The following ARHGAP5 variants were observed in gnomAD, a reference collection of about 807,000 sequenced individuals.
ARHGAP5 encodes the protein rho GTPase-activating protein 5.
ARHGAP5 carries 23 observed loss-of-function variants against 116.6 expected under a neutral mutation model. The observed-to-expected ratio is 0.20, with a 90% CI of 0.14 to 0.28. The LOEUF (loss-of-function observed/expected upper bound fraction) is 0.28, where lower values mean the gene tolerates loss of function less well. Among genes scored for constraint, ARHGAP5 ranks in the 10% least tolerant of loss-of-function variants. The pLI is 1.00. For synonymous variants in ARHGAP5, 574 were observed against 602.0 expected (o/e 0.95, Z 0.68); for missense variants, 1,405 against 1,774.8 (o/e 0.79, Z 3.74).
At chr14:32,139,523 C>T (rs1488790111) in intron 3 of ARHGAP5, among the ~76,000 whole-genome samples, 1 of 151,866 alleles carries the variant, frequency 6.6e-6, no homozygotes, top group Non-Finnish European at 1.5e-5. Flanking sequence ...TCTTGTAACC[C>T]TTTTTATCTG....
At chr14:32,133,881 A>G (rs539610353) in intron 3 of ARHGAP5, among the ~76,000 whole-genome samples, 1 of 152,214 alleles carries the variant, frequency 6.6e-6, no homozygotes, top group Non-Finnish European at 1.5e-5. Context: ...ATGTTGGATT[A>G]CATTTATTGA....
At chr14:32,124,139 C>T (rs1880029392) in intron 3 of ARHGAP5, among the ~76,000 whole-genome samples, 1 of 152,136 alleles carries the variant, frequency 6.6e-6, no homozygotes, top group Non-Finnish European at 1.5e-5. Flanking sequence ...ATTCCACCTC[C>T]CATCACTAAC....
intron 3 of ARHGAP5, among the ~76,000 whole-genome samples, chr14:32,135,473 A>T (rs1880740299): frequency 6.6e-6 from 1 of 152,230 alleles, no homozygotes; most frequent in African/African-American, 2.4e-5. Flanking sequence ...CCCAGGCAAG[A>T]GCACAGTGGC....
In ARHGAP5 at chr14:32,094,183, C is replaced by G. The variant is rs1878408709; in HGVS notation, c.3514C>G (p.His1172Asp). Residue 1172 changes from histidine to aspartate, a missense_variant, in exon 2 of 7, where the codon CAT becomes GAT. His to Asp is a moderately conservative substitution (Grantham distance 81). Coordinates refer to ENST00000345122, the MANE Select transcript of ARHGAP5 (RefSeq NM_001030055.2). ...AGCCAAGTCATACTATAGAAGAACA[C>G]ATTCAGATGCCAGTGATGATGAGGC... ...SKAKSYYRRT[H>D]SDASDDEAFT... 3 of 1,612,462 alleles carry G rather than the reference C, an allele frequency of 1.9e-6. No homozygotes were observed. The South Asian group carries it at 3.3e-5, about 18-fold the overall frequency.
intron 3 of ARHGAP5, among the ~76,000 whole-genome samples, chr14:32,143,014 A>T (rs945700209): frequency 6.6e-6 from 1 of 152,156 alleles, no homozygotes; most frequent in African/African-American, 2.4e-5. Flanking sequence ...GACTTAAATA[A>T]TTATGTCACC....
At chr14:32,089,827 T>C (rs2041866779) in intron 1 of ARHGAP5, among the ~76,000 whole-genome samples, 1 of 151,950 alleles carries the variant, frequency 6.6e-6, no homozygotes, top group Admixed American at 6.6e-5. Flanking sequence ...AGGTTTGAAA[T>C]AAAATTTGGT....
intron 2 of ARHGAP5, among the ~76,000 whole-genome samples, chr14:32,094,951 T>C (rs781330003): frequency 6.6e-6 from 1 of 152,236 alleles, no homozygotes; most frequent in Non-Finnish European, 1.5e-5. Context: ...TTAATCCATC[T>C]AATGGTATTA....
At position 32,098,310 on chromosome 14, in the gene ARHGAP5, G is replaced by C. The variant is rs144425614; in HGVS notation, c.3717+3924G>C. The stretch of plus-strand genomic sequence containing the variant: ...ACAAACAGACCTCTGGTTTACTGCT[G>C]TCTCTCAAACATGTTAGCCACATGG... On this transcript the variant is annotated intron_variant, in intron 2 of 6. Coordinates refer to ENST00000345122, the MANE Select transcript of ARHGAP5 (RefSeq NM_001030055.2). Among the ~76,000 whole-genome samples the C allele has an allele frequency of 2.4e-3, 372 of 152,316 alleles. 3 individuals are homozygous for C. Among genetic ancestry groups the C allele is most frequent in the African/African-American group, 8.6e-3 (357 of 41,568 alleles).
chr14:32,077,536 TAACCAGTTGA>T (rs2041719733), intron 1 of ARHGAP5, 101 bp downstream of exon 1: 1 of 625,910 alleles, frequency 1.6e-6, no homozygotes, highest in African/African-American at 1.9e-5. Flanking sequence ...CTGCCGGTTG[TAACCAGTTGA>T]AGGGGCTGGG....
Position 32,157,284 on chromosome 14 carries a change from A to G in ARHGAP5, c.*2336A>G, listed in dbSNP as rs1447332830. The G allele has an allele frequency of 6.6e-6, 1 of 152,090 alleles. No individual in the cohort carries two copies. Among genetic ancestry groups the G allele is most frequent in the Admixed American group, 6.6e-5 (1 of 15,242 alleles). 9.4% of individuals were successfully genotyped at this position (152,090 alleles called of 1,614,324 possible). ...TTTAGATATGCTTTTAAATATTAGAAACATCTAAGAACAGAATAACATAAT... is the reference window on the plus strand; with the variant it reads ...TTTAGATATGCTTTTAAATATTAGAGACATCTAAGAACAGAATAACATAAT... On this transcript the variant is annotated 3_prime_UTR_variant, in exon 7 of 7. Transcript: ENST00000345122.
In ARHGAP5 at chr14:32,133,511, A is replaced by G. The variant is rs530546282; in HGVS notation, c.3866-12752A>G. The stretch of plus-strand genomic sequence containing the variant: ...GACAATGGGGTTTTCTAGATATACA[A>G]TCATGTCATCTGCAAACAGGGACAG... On this transcript the variant is annotated intron_variant, in intron 3 of 6. Coordinates refer to ENST00000345122, the MANE Select transcript of ARHGAP5 (RefSeq NM_001030055.2). Among the ~76,000 whole-genome samples the G allele has an allele frequency of 2.2e-4, 33 of 152,300 alleles. No homozygotes were observed. In the East Asian group the frequency reaches 5.6e-3, roughly 26 times the overall value.
intron 3 of ARHGAP5, among the ~76,000 whole-genome samples, chr14:32,143,908 A>C (rs571205190): frequency 6.6e-6 from 1 of 152,318 alleles, no homozygotes; most frequent in Non-Finnish European, 1.5e-5. Context: ...TAGGATGTTT[A>C]ACAGCATTCC....
chr14:32,119,080 TTAAAC>T (rs1879749459), intron 3 of ARHGAP5, among the ~76,000 whole-genome samples: 1 of 152,132 alleles, frequency 6.6e-6, no homozygotes, highest in South Asian at 2.1e-4. Context: ...GAATAAAAGA[TTAAAC>T]TAGTTCTTTT....
chr14:32,129,855 A>G (rs780242305), intron 3 of ARHGAP5, among the ~76,000 whole-genome samples: 1 of 152,176 alleles, frequency 6.6e-6, no homozygotes, highest in Non-Finnish European at 1.5e-5. Flanking sequence ...TTGAACCAGA[A>G]CAGGGGATAT....
chr14:32,119,635 T>C (rs1441322407), intron 3 of ARHGAP5, among the ~76,000 whole-genome samples: 1 of 152,180 alleles, frequency 6.6e-6, no homozygotes, highest in Non-Finnish European at 1.5e-5. Flanking sequence ...TGTTAGCTGT[T>C]GGATTTTTGT....
chr14:32,153,935 AAAAG>A (rs1447222248), intron 6 of ARHGAP5: 1 of 151,960 alleles, frequency 6.6e-6, no homozygotes, highest in Non-Finnish European at 1.5e-5. Flanking sequence ...AGAGGAAAAA[AAAAG>A]AGAGGAACAG....
chr14:32,084,465 T>A (rs550505885), intron 1 of ARHGAP5, among the ~76,000 whole-genome samples: 2 of 152,348 alleles, frequency 1.3e-5, no homozygotes, highest in South Asian at 4.1e-4. Flanking sequence ...TAATTGTGTT[T>A]ACAAGTGTGA....
chr14:32,148,365 C>T (rs557896056), intron 4 of ARHGAP5, among the ~76,000 whole-genome samples: 2 of 152,258 alleles, frequency 1.3e-5, no homozygotes, highest in African/African-American at 4.8e-5. Context: ...CCACCACTGC[C>T]ACTATTTTTG....
chr14:32,123,212 G>T (rs1455463722), intron 3 of ARHGAP5, among the ~76,000 whole-genome samples: 3 of 151,856 alleles, frequency 2.0e-5, no homozygotes, highest in African/African-American at 7.3e-5. Flanking sequence ...AACGACATCT[G>T]CTTGAGGTTT....
Sources: gnomAD v4.1 joint callset for allele counts (sites outside exome capture counted in the v4.1 genomes callset) on GRCh38, gnomAD v4.1.1 for gene constraint, MANE v1.5 for transcripts, NCBI Gene and HGNC (gene_info 2026-07-23, HGNC 2026-07-21) for gene names.